The following AFAP1L2 variants were observed in gnomAD, a reference collection of about 807,000 sequenced individuals.
AFAP1L2 encodes actin filament associated protein 1 like 2.
Under a neutral mutation model 99.3 loss-of-function variants are expected in AFAP1L2, and 46 were observed. The ratio of observed to expected loss-of-function variants is 0.46; its 90% CI spans 0.37 to 0.59. The LOEUF is 0.59. AFAP1L2 is among the 20% of genes least tolerant of loss of function. The pLI is 0.00. For missense variants in AFAP1L2, 959 were observed against 1,034.9 expected (o/e 0.93, Z 1.01); for synonymous variants, 397 against 419.1 (o/e 0.95, Z 0.64).
At chr10:114,335,334 C>A (rs530538318) in intron 2 of AFAP1L2, among the ~76,000 whole-genome samples, 1 of 152,086 alleles carries the variant, frequency 6.6e-6, no homozygotes, top group South Asian at 2.1e-4. Flanking sequence ...AACATATGGC[C>A]GGGCACGGTG....
intron 1 of AFAP1L2, among the ~76,000 whole-genome samples, chr10:114,382,403 A>C (rs995518997): frequency 5.9e-5 from 9 of 152,100 alleles, no homozygotes; most frequent in Non-Finnish European, 1.2e-4. Context: ...AGAGCTAAAA[A>C]AGTTGATCAC....
intron 1 of AFAP1L2, among the ~76,000 whole-genome samples, chr10:114,388,465 C>T (rs2056779540): frequency 6.6e-6 from 1 of 152,192 alleles, no homozygotes; most frequent in Non-Finnish European, 1.5e-5. Flanking sequence ...CACCAAGTTA[C>T]TCCCACAACA....
At chr10:114,346,137 C>T (rs2049526681) in intron 1 of AFAP1L2, among the ~76,000 whole-genome samples, 1 of 152,224 alleles carries the variant, frequency 6.6e-6, no homozygotes, top group African/African-American at 2.4e-5. Flanking sequence ...GTTGAAGGAG[C>T]GCAGGCCTGG....
rs755362922 is a variant in AFAP1L2 at position 114,307,787 on chromosome 10, G to T, written c.1072+18C>A. ...CAGGAAATGAGCCTGTGGTCCCGGA[G>T]GTAGCTACAATTCTTACTGGATGTC... On this transcript the variant is annotated intron_variant, in intron 10 of 18. Transcript: ENST00000304129. The T allele has an allele frequency of 6.2e-7, 1 of 1,605,280 alleles. No homozygotes were observed. The highest frequency in any genetic ancestry group is 2.2e-5 in the East Asian group (1 of 44,784).
At chr10:114,350,867 G>A (rs949029087) in intron 1 of AFAP1L2, among the ~76,000 whole-genome samples, 1 of 152,208 alleles carries the variant, frequency 6.6e-6, no homozygotes, top group Non-Finnish European at 1.5e-5. Context: ...GACACTCCAG[G>A]TTCCAGCGGC....
At chr10:114,299,516 C>G in intron 15 of AFAP1L2, 101 bp from the exon 16 acceptor site, 1 of 1,453,126 alleles carries the variant, frequency 6.9e-7, no homozygotes, top group Non-Finnish European at 9.3e-7. Context: ...GGCTTTGGCA[C>G]AAAGCCCTGC....
intron 1 of AFAP1L2, among the ~76,000 whole-genome samples, chr10:114,350,885 G>T (rs1480456683): frequency 2.0e-5 from 3 of 152,188 alleles, no homozygotes; most frequent in Non-Finnish European, 2.9e-5. Flanking sequence ...GGCGACCAGG[G>T]TCCAGGCCAG....
At chr10:114,347,485 CT>C (rs1382681222) in intron 1 of AFAP1L2, among the ~76,000 whole-genome samples, 2 of 151,970 alleles carry the variant, frequency 1.3e-5, no homozygotes, top group South Asian at 2.1e-4. Context: ...ACTTTACTTT[CT>C]TTTTTTTGAG....
chr10:114,345,200 C>CGGG (rs151233816), intron 1 of AFAP1L2, among the ~76,000 whole-genome samples: 11 of 144,906 alleles, frequency 7.6e-5, no homozygotes, highest in South Asian at 2.3e-4. Flanking sequence ...CTCTGTGTAT[C>CGGG]GGGGGAACAT....
chr10:114,402,315 A>G (rs1565111877), intron 1 of AFAP1L2, among the ~76,000 whole-genome samples: 2 of 152,240 alleles, frequency 1.3e-5, no homozygotes, highest in Admixed American at 6.5e-5. Flanking sequence ...AGGGTGTTCA[A>G]AGCACAACTT....
intron 1 of AFAP1L2, among the ~76,000 whole-genome samples, chr10:114,376,547 G>A (rs1353932141): frequency 1.3e-5 from 2 of 152,218 alleles, no homozygotes; most frequent in African/African-American, 4.8e-5. Context: ...AAGAATCACT[G>A]CTCCCATTGG....
chr10:114,404,663 G>A (rs893698302), upstream of AFAP1L2: 2 of 628,950 alleles, frequency 3.2e-6, no homozygotes, highest in Non-Finnish European at 4.5e-6. Context: ...CCCTGTCCCA[G>A]CGCCGGAGAA....
chr10:114,391,218 T>C (rs941318613), intron 1 of AFAP1L2, among the ~76,000 whole-genome samples: 1 of 151,388 alleles, frequency 6.6e-6, no homozygotes, highest in Admixed American at 6.6e-5. Flanking sequence ...GTTTCTTTCT[T>C]TTCTTTTTTT....
intron 4 of AFAP1L2, among the ~76,000 whole-genome samples, chr10:114,323,510 C>A (rs1374265643): frequency 6.6e-6 from 1 of 152,144 alleles, no homozygotes; most frequent in Admixed American, 6.5e-5. Flanking sequence ...TTCTCCCCTG[C>A]AAAATGAGGC....
At chr10:114,285,179 C>T in the AFAP1L2 span, among the ~76,000 whole-genome samples, 8 of 152,210 alleles carry the variant, frequency 5.3e-5, no homozygotes, top group Non-Finnish European at 1.0e-4. Context: ...CTGGATGAGA[C>T]AGTGGCTCCC....
chr10:114,317,790 C>T (rs2044371762), intron 5 of AFAP1L2, among the ~76,000 whole-genome samples: 2 of 152,066 alleles, frequency 1.3e-5, no homozygotes, highest in African/African-American at 4.8e-5. Flanking sequence ...GCCCAGGAGG[C>T]GAAGGTTACA....
At chr10:114,325,468 C>A (rs1367928879) in intron 4 of AFAP1L2, among the ~76,000 whole-genome samples, 5 of 152,228 alleles carry the variant, frequency 3.3e-5, no homozygotes, top group African/African-American at 1.2e-4. Flanking sequence ...TGGTCCTGTA[C>A]CAACAGAGCT....
intron 4 of AFAP1L2, among the ~76,000 whole-genome samples, chr10:114,324,231 A>G (rs568489781): frequency 6.6e-6 from 1 of 152,214 alleles, no homozygotes; most frequent in East Asian, 1.9e-4. Flanking sequence ...ACCCTTGAAC[A>G]TGGGTCTCCA....
intron 1 of AFAP1L2, among the ~76,000 whole-genome samples, chr10:114,364,814 A>T (rs1446433537): frequency 6.6e-6 from 1 of 152,046 alleles, no homozygotes; most frequent in African/African-American, 2.4e-5. Flanking sequence ...CCGGGGGCTG[A>T]GCTGATTTAC....
Sources: gnomAD v4.1 joint callset for allele counts (sites outside exome capture counted in the v4.1 genomes callset) on GRCh38, gnomAD v4.1.1 for gene constraint, MANE v1.5 for transcripts, NCBI Gene and HGNC (gene_info 2026-07-23, HGNC 2026-07-21) for gene names.